RPS6KC1: variants seen among roughly 807,000 people sequenced by gnomAD.
RPS6KC1 encodes the protein inactive ribosomal protein S6 kinase delta-1.
In RPS6KC1, 54 loss-of-function variants were observed where a neutral mutation model predicts 103.8. The ratio of observed to expected loss-of-function variants is 0.52; its 90% CI spans 0.42 to 0.65. RPS6KC1 has a LOEUF of 0.65. Among genes scored for constraint, RPS6KC1 ranks in the 30% least tolerant of loss-of-function variants. RPS6KC1 has a pLI of 0.00. For synonymous variants in RPS6KC1, 439 were observed against 438.7 expected (o/e 1.00, Z -0.01); for missense variants, 1,151 against 1,253.8 (o/e 0.92, Z 1.24).
the RPS6KC1 span, among the ~76,000 whole-genome samples, chr1:213,303,977 A>C: frequency 6.6e-6 from 1 of 151,508 alleles, no homozygotes; most frequent in South Asian, 2.1e-4. Flanking sequence ...AGGCCGAGGC[A>C]GGCGGATCAC....
chr1:213,149,105 G>A (rs1346168132), intron 6 of RPS6KC1, among the ~76,000 whole-genome samples: 2 of 150,906 alleles, frequency 1.3e-5, no homozygotes, highest in Non-Finnish European at 3.0e-5. Flanking sequence ...TTTTGCTTAC[G>A]TTTTCAAAAA....
chr1:213,337,771 G>T, the RPS6KC1 span, among the ~76,000 whole-genome samples: 3 of 152,136 alleles, frequency 2.0e-5, no homozygotes, highest in Non-Finnish European at 4.4e-5. Flanking sequence ...TATATTCAAG[G>T]GGTTAGGGAT....
At chr1:213,745,489 G>C in the RPS6KC1 span, among the ~76,000 whole-genome samples, 2 of 151,850 alleles carry the variant, frequency 1.3e-5, no homozygotes, top group Admixed American at 6.6e-5. Context: ...TCCCAACTCA[G>C]CTGAGGAAAA....
the RPS6KC1 span, among the ~76,000 whole-genome samples, chr1:213,827,130 C>G: frequency 6.6e-6 from 1 of 152,130 alleles, no homozygotes; most frequent in African/African-American, 2.4e-5. Context: ...TGGGCAAAGT[C>G]GAGTAAGCCT....
the RPS6KC1 span, among the ~76,000 whole-genome samples, chr1:213,343,385 T>TTG: frequency 3.9e-3 from 279 of 72,106 alleles, 14 homozygotes; most frequent in African/African-American, 0.016. Flanking sequence ...TTTTTCAGTG[T>TTG]TGTGTGTATA....
At chr1:213,811,769 G>T in the RPS6KC1 span, among the ~76,000 whole-genome samples, 1 of 152,310 alleles carries the variant, frequency 6.6e-6, no homozygotes, top group Admixed American at 6.5e-5. Context: ...AGATGGGGTT[G>T]AATTATTAAG....
chr1:213,360,908 T>C, the RPS6KC1 span, among the ~76,000 whole-genome samples: 2 of 152,188 alleles, frequency 1.3e-5, no homozygotes, highest in Non-Finnish European at 2.9e-5. Context: ...TGTCTGATCA[T>C]TTCTCTGGAG....
chr1:213,676,334 A>G, the RPS6KC1 span, among the ~76,000 whole-genome samples: 1 of 152,194 alleles, frequency 6.6e-6, no homozygotes, highest in Non-Finnish European at 1.5e-5. Context: ...AAAGGCTCCT[A>G]GTCATGCATC....
At chr1:213,617,477 G>T in the RPS6KC1 span, among the ~76,000 whole-genome samples, 1 of 152,174 alleles carries the variant, frequency 6.6e-6, no homozygotes, top group Non-Finnish European at 1.5e-5. Flanking sequence ...CTCCAGCTTA[G>T]AATTATGCTA....
intron 6 of RPS6KC1, among the ~76,000 whole-genome samples, chr1:213,156,696 A>G (rs2089927071): frequency 1.3e-5 from 2 of 152,350 alleles, no homozygotes; most frequent in South Asian, 4.1e-4. Context: ...ATATCTGAGT[A>G]GAGAAAAAGG....
At chr1:213,058,058 C>CT (rs1558232709) in intron 1 of RPS6KC1, among the ~76,000 whole-genome samples, 7 of 139,732 alleles carry the variant, frequency 5.0e-5, no homozygotes, top group African/African-American at 1.9e-4. Context: ...GTGCGCCTGA[C>CT]CTTTTTTTTT....
At chr1:213,428,139 T>C in the RPS6KC1 span, among the ~76,000 whole-genome samples, 56 of 152,328 alleles carry the variant, frequency 3.7e-4, 1 homozygote, top group African/African-American at 1.1e-3. Context: ...ACAGGTTTTC[T>C]GCCTCAGACT....
At chr1:213,667,446 T>TA in the RPS6KC1 span, among the ~76,000 whole-genome samples, 1 of 152,206 alleles carries the variant, frequency 6.6e-6, no homozygotes, top group Non-Finnish European at 1.5e-5. Flanking sequence ...ATTGTGTTTT[T>TA]AAAAAATGTA....
At chr1:213,838,930 T>C in the RPS6KC1 span, among the ~76,000 whole-genome samples, 2 of 152,244 alleles carry the variant, frequency 1.3e-5, no homozygotes, top group Admixed American at 6.5e-5. Flanking sequence ...GGCTTTCTTA[T>C]AGGAAGAAAT....
At chr1:213,483,949 G>A in the RPS6KC1 span, among the ~76,000 whole-genome samples, 1 of 152,212 alleles carries the variant, frequency 6.6e-6, no homozygotes, top group African/African-American at 2.4e-5. Flanking sequence ...GACATAGAAG[G>A]AGGGTCCCTT....
chr1:213,650,273 T>C, the RPS6KC1 span, among the ~76,000 whole-genome samples: 2 of 152,198 alleles, frequency 1.3e-5, no homozygotes, highest in Non-Finnish European at 2.9e-5. Context: ...TACACACTTA[T>C]GTGTTATCAA....
chr1:213,124,247 G>A (rs1260428000), intron 5 of RPS6KC1, among the ~76,000 whole-genome samples: 2 of 152,144 alleles, frequency 1.3e-5, no homozygotes, highest in Non-Finnish European at 2.9e-5. Flanking sequence ...TTAGGTTTTT[G>A]CCTTGATGGT....
At chr1:213,459,138 G>T in the RPS6KC1 span, among the ~76,000 whole-genome samples, 23 of 152,258 alleles carry the variant, frequency 1.5e-4, no homozygotes, top group African/African-American at 5.5e-4. Flanking sequence ...TTAGGGAGGA[G>T]TCTCTCTTTT....
At chr1:213,529,860 T>C in the RPS6KC1 span, among the ~76,000 whole-genome samples, 1 of 152,164 alleles carries the variant, frequency 6.6e-6, no homozygotes, top group Non-Finnish European at 1.5e-5. Context: ...AGGCCAATTC[T>C]CCTCTGGGTC....
Sources: allele counts gnomAD v4.1 joint callset (sites outside exome capture counted in the v4.1 genomes callset), GRCh38; gene constraint gnomAD v4.1.1; transcripts MANE v1.5; gene names NCBI Gene and HGNC (gene_info 2026-07-23, HGNC 2026-07-21).